ROBO1: variants seen among roughly 807,000 people sequenced by gnomAD.
The protein encoded by ROBO1 is roundabout guidance receptor 1.
ROBO1 carries 149 observed loss-of-function variants against 195.9 expected under a neutral mutation model. The observed-to-expected ratio is 0.76, with a 90% confidence interval of 0.67 to 0.87. The LOEUF (loss-of-function observed/expected upper bound fraction) is 0.87, where lower values mean the gene tolerates loss of function less well. ROBO1 is among the 40% of genes least tolerant of loss of function. The pLI, the probability that ROBO1 is intolerant of heterozygous loss-of-function variation, is 0.00. For synonymous variants in ROBO1, 816 were observed against 733.2 expected (o/e 1.11, Z -1.82); for missense variants, 1,933 against 2,068.3 (o/e 0.93, Z 1.27).
At chr3:79,030,164 T>C (rs979272504) in intron 3 of ROBO1, among the ~76,000 whole-genome samples, 1 of 152,204 alleles carries the variant, frequency 6.6e-6, no homozygotes, top group Non-Finnish European at 1.5e-5. Context: ...AAAAGTTTAC[T>C]CCATTTCAGT....
At chr3:79,364,000 C>A (rs372348196) in intron 2 of ROBO1, among the ~76,000 whole-genome samples, 1 of 151,802 alleles carries the variant, frequency 6.6e-6, no homozygotes, top group Admixed American at 6.6e-5. Flanking sequence ...GTCAGGAGAT[C>A]GAGAACATCC....
At chr3:79,283,184 C>G (rs1211494080) in intron 2 of ROBO1, among the ~76,000 whole-genome samples, 1 of 152,118 alleles carries the variant, frequency 6.6e-6, no homozygotes, top group African/African-American at 2.4e-5. Context: ...AAAGTTTTCC[C>G]ATAGATGGGG....
At chr3:79,087,056 A>T in intron 3 of ROBO1, among the ~76,000 whole-genome samples, 1 of 152,188 alleles carries the variant, frequency 6.6e-6, no homozygotes, top group Non-Finnish European at 1.5e-5. Flanking sequence ...AATTATAAAA[A>T]TAATCATATT....
chr3:79,557,743 A>ATAT (rs1553764429), intron 2 of ROBO1, among the ~76,000 whole-genome samples: 2,378 of 130,756 alleles, frequency 0.018, 73 homozygotes, highest in Middle Eastern at 0.052. Flanking sequence ...AACAAAAAAA[A>ATAT]ATATATATAT....
chr3:78,926,992 A>C (rs1410477902), intron 4 of ROBO1, among the ~76,000 whole-genome samples: 1 of 152,198 alleles, frequency 6.6e-6, no homozygotes, highest in Admixed American at 6.5e-5. Flanking sequence ...TATTTCAAAA[A>C]AAAAAGGTCA....
At chr3:79,455,901 A>G (rs2039605288) in intron 2 of ROBO1, among the ~76,000 whole-genome samples, 2 of 152,146 alleles carry the variant, frequency 1.3e-5, no homozygotes, top group South Asian at 4.1e-4. Flanking sequence ...ACTGCATATA[A>G]CTAAGCTTCC....
At chr3:79,014,452 G>A (rs979366105) in intron 3 of ROBO1, among the ~76,000 whole-genome samples, 1 of 152,084 alleles carries the variant, frequency 6.6e-6, no homozygotes, top group Non-Finnish European at 1.5e-5. Context: ...CAGCCTGGGC[G>A]ACAGGGTGAG....
chr3:78,868,182 A>T (rs914858522), intron 4 of ROBO1, among the ~76,000 whole-genome samples: 1 of 152,174 alleles, frequency 6.6e-6, no homozygotes, highest in Non-Finnish European at 1.5e-5. Context: ...GAGCACATGG[A>T]GCTGCCAAGA....
intron 3 of ROBO1, among the ~76,000 whole-genome samples, chr3:79,018,097 T>G (rs944939328): frequency 2.0e-5 from 3 of 152,060 alleles, no homozygotes; most frequent in Non-Finnish European, 2.9e-5. Flanking sequence ...CGCTGCCTCC[T>G]CCCACCCTAG....
chr3:79,465,320 G>A (rs1003695639), intron 2 of ROBO1, among the ~76,000 whole-genome samples: 1 of 151,864 alleles, frequency 6.6e-6, no homozygotes, highest in Non-Finnish European at 1.5e-5. Flanking sequence ...CAGAACTATC[G>A]CAAAAAAGAT....
At chr3:79,116,292 CTCTT>C (rs1049296672) in intron 3 of ROBO1, among the ~76,000 whole-genome samples, 9 of 148,552 alleles carry the variant, frequency 6.1e-5, no homozygotes, top group African/African-American at 7.4e-5. Flanking sequence ...TTCTTTCTTT[CTCTT>C]TCTTTCTTTC....
chr3:78,768,542 T>C (rs973047538), intron 4 of ROBO1, among the ~76,000 whole-genome samples: 6 of 152,286 alleles, frequency 3.9e-5, no homozygotes, highest in African/African-American at 1.4e-4. Flanking sequence ...GATGTTTTTC[T>C]ATTTCTATAT....
At chr3:79,563,048 C>T (rs535971358) in intron 2 of ROBO1, among the ~76,000 whole-genome samples, 2 of 152,098 alleles carry the variant, frequency 1.3e-5, no homozygotes, top group African/African-American at 2.4e-5. Context: ...ATATTTCATA[C>T]ACTTTATCCT....
intron 2 of ROBO1, among the ~76,000 whole-genome samples, chr3:79,470,484 C>T (rs1289883685): frequency 6.6e-6 from 1 of 152,064 alleles, no homozygotes; most frequent in Non-Finnish European, 1.5e-5. Context: ...GGGTGCAGTA[C>T]ACCAACAAGG....
chr3:78,800,853 C>G (rs1031876950), intron 4 of ROBO1, among the ~76,000 whole-genome samples: 1 of 152,086 alleles, frequency 6.6e-6, no homozygotes, highest in Non-Finnish European at 1.5e-5. Context: ...CGTGAGCCAC[C>G]ACACCTGGCC....
At chr3:79,240,470 T>G (rs1194985154) in intron 2 of ROBO1, among the ~76,000 whole-genome samples, 2 of 152,186 alleles carry the variant, frequency 1.3e-5, no homozygotes, top group East Asian at 3.9e-4. Context: ...TCATCCAGTT[T>G]ATTAACACAA....
intron 1 of ROBO1, among the ~76,000 whole-genome samples, chr3:79,758,762 G>C (rs559773806): frequency 3.0e-4 from 46 of 152,080 alleles, no homozygotes; most frequent in Non-Finnish European, 6.6e-4. Flanking sequence ...AGACAGGTGG[G>C]GAAAGGGAAA....
intron 2 of ROBO1, among the ~76,000 whole-genome samples, chr3:79,558,407 G>GT (rs1942790396): frequency 6.6e-6 from 1 of 152,102 alleles, no homozygotes; most frequent in South Asian, 2.1e-4. Flanking sequence ...TTTACTTATT[G>GT]TAAGAATACA....
At chr3:78,644,163 G>A (rs747298101) in intron 21 of ROBO1, among the ~76,000 whole-genome samples, 1 of 151,964 alleles carries the variant, frequency 6.6e-6, no homozygotes, top group Admixed American at 6.6e-5. Context: ...ACACACATCC[G>A]TAAGTGGCTA....
Sources: gnomAD v4.1 joint callset for allele counts (sites outside exome capture counted in the v4.1 genomes callset) on GRCh38, gnomAD v4.1.1 for gene constraint, MANE v1.5 for transcripts, NCBI Gene and HGNC (gene_info 2026-07-23, HGNC 2026-07-21) for gene names.